Variants in PHLPP1 observed in about 807,000 individuals in gnomAD.
PHLPP1 encodes PH domain leucine-rich repeat-containing protein phosphatase 1.
In PHLPP1, 42 loss-of-function variants were observed where a neutral mutation model predicts 117.2. That is an observed-to-expected ratio of 0.36 (90% confidence interval 0.28 to 0.46). The LOEUF (loss-of-function observed/expected upper bound fraction) is 0.46. Among genes scored for constraint, PHLPP1 ranks in the 20% least tolerant of loss-of-function variants. PHLPP1 has a pLI of 1.00. For synonymous variants in PHLPP1, 1,042 were observed against 970.7 expected, an observed-to-expected ratio of 1.07 and a Z score of -1.37; for missense variants, 2,084 against 2,241.9, an observed-to-expected ratio of 0.93 and a Z score of 1.42.
intron 1 of PHLPP1, among the ~76,000 whole-genome samples, chr18:62,751,282 G>T (rs1021710236): frequency 1.6e-4 from 24 of 152,208 alleles, no homozygotes; most frequent in African/African-American, 5.8e-4. Flanking sequence ...GAAGGGGGTA[G>T]TCTTTCCCTG....
chr18:62,881,799 G>A (rs1483798172), intron 4 of PHLPP1, among the ~76,000 whole-genome samples: 2 of 152,224 alleles, frequency 1.3e-5, no homozygotes, highest in East Asian at 1.9e-4. Flanking sequence ...GACAGGAAAA[G>A]CACTGTACCA....
intron 3 of PHLPP1, among the ~76,000 whole-genome samples, chr18:62,854,877 A>G (rs889652851): frequency 6.6e-6 from 1 of 151,902 alleles, no homozygotes; most frequent in African/African-American, 2.4e-5. Context: ...TTGTATTTTT[A>G]GTAGAGAAGG....
At chr18:62,849,734 G>A (rs889443657) in intron 3 of PHLPP1, among the ~76,000 whole-genome samples, 13 of 134,220 alleles carry the variant, frequency 9.7e-5, no homozygotes, top group Non-Finnish European at 1.7e-4. Context: ...GCTGAGTGGG[G>A]AAGATCACTT....
rs565539702 is a variant in PHLPP1 at position 62,734,072 on chromosome 18, C to T, written c.1576+16813C>T. The stretch of plus-strand genomic sequence containing the variant: ...AAATGTGCATGTGCTGGAGGTTGCA[C>T]TAAAGCCTGACAGTAGCCTAGAGTA... On this transcript the variant is annotated intron_variant, in intron 1 of 16. Transcript: ENST00000262719. Among the ~76,000 whole-genome samples the T allele has an allele frequency of 3.3e-5, 5 of 152,262 alleles. No homozygotes were observed. The South Asian group carries it at 6.2e-4, about 19-fold the overall frequency.
chr18:62,930,372 A>G (rs527272238), intron 10 of PHLPP1, among the ~76,000 whole-genome samples: 16 of 152,270 alleles, frequency 1.1e-4, no homozygotes, highest in African/African-American at 3.9e-4. Flanking sequence ...GACTCAAAGT[A>G]AAGGGAAGGA....
intron 12 of PHLPP1, among the ~76,000 whole-genome samples, chr18:62,954,974 G>T (rs1016177942): frequency 1.3e-5 from 2 of 152,168 alleles, no homozygotes; most frequent in African/African-American, 4.8e-5. Context: ...TATCCGGGGA[G>T]AAACAGCAGC....
chr18:62,811,465 A>G (rs1055749954), intron 1 of PHLPP1, among the ~76,000 whole-genome samples: 4 of 152,118 alleles, frequency 2.6e-5, no homozygotes, highest in South Asian at 4.1e-4. Flanking sequence ...GTAAAAAGGT[A>G]TGCAAATTTT....
chr18:62,923,809 G>A (rs1359143575), intron 10 of PHLPP1, among the ~76,000 whole-genome samples: 1 of 152,144 alleles, frequency 6.6e-6, no homozygotes, highest in Non-Finnish European at 1.5e-5. Context: ...AGTTGTTGAA[G>A]TAGGCCAACC....
chr18:62,938,998 T>A (rs111696666), intron 10 of PHLPP1, among the ~76,000 whole-genome samples: 8 of 42,382 alleles, frequency 1.9e-4, no homozygotes, highest in African/African-American at 4.4e-4. Flanking sequence ...TTCTTTCTTT[T>A]TTTTTTTTTG....
At chr18:62,748,060 G>A (rs541071160) in intron 1 of PHLPP1, among the ~76,000 whole-genome samples, 20 of 152,100 alleles carry the variant, frequency 1.3e-4, no homozygotes, top group Middle Eastern at 3.4e-3. Flanking sequence ...GGTCTAATGT[G>A]TTCCTTAGAT....
At chr18:62,959,170 G>T (rs942594453) in intron 13 of PHLPP1, among the ~76,000 whole-genome samples, 12 of 152,134 alleles carry the variant, frequency 7.9e-5, no homozygotes, top group Non-Finnish European at 1.8e-4. Context: ...TTAGTGGTTG[G>T]AGTTTTCTAT....
chr18:62,928,992 G>T (rs1054868571), intron 10 of PHLPP1, among the ~76,000 whole-genome samples: 2 of 152,164 alleles, frequency 1.3e-5, no homozygotes, highest in South Asian at 2.1e-4. Flanking sequence ...AGGGAGAAAT[G>T]ATGAGTGACT....
At chr18:62,766,076 A>AAAAAAAAATATATATATATATATATATAT in intron 1 of PHLPP1, among the ~76,000 whole-genome samples, 8 of 21,658 alleles carry the variant, frequency 3.7e-4, no homozygotes, top group African/African-American at 4.5e-4. Flanking sequence ...AAAAAAAAAA[A>AAAAAAAAATATATATATATATATATATAT]ATATATATAT....
intron 1 of PHLPP1, among the ~76,000 whole-genome samples, chr18:62,811,828 T>C (rs578240522): frequency 9.2e-5 from 14 of 152,222 alleles, no homozygotes; most frequent in Non-Finnish European, 1.9e-4. Flanking sequence ...AGATAGCTTC[T>C]TAAGGTCAGT....
Position 62,715,661 on chromosome 18 carries a change from G to T in PHLPP1, c.-23G>T. ...CCGCCCGCTGCCTCCGGAGCTGGGGGGGAAACGCGAAGCCCCACTGCAATG... is the reference window on the plus strand; with the variant it reads ...CCGCCCGCTGCCTCCGGAGCTGGGGTGGAAACGCGAAGCCCCACTGCAATG... On this transcript the variant is annotated 5_prime_UTR_variant, in exon 1 of 17. Transcript: ENST00000262719. 7.9e-7 allele frequency: 1 copy of T among 1,269,970 alleles called. No individual in the cohort carries two copies. The highest frequency in any genetic ancestry group is 9.9e-7 in the Non-Finnish European group (1 of 1,008,732). The allele number at this position is 1,269,970 out of a possible 1,614,324, so 78.7% of individuals were successfully genotyped here.
intron 1 of PHLPP1, among the ~76,000 whole-genome samples, chr18:62,747,941 T>C (rs745944876): frequency 9.2e-5 from 14 of 152,346 alleles, no homozygotes; most frequent in Admixed American, 5.2e-4. Context: ...TCAAAGTGCC[T>C]GGATGATATT....
intron 1 of PHLPP1, among the ~76,000 whole-genome samples, chr18:62,811,368 CAACTT>C (rs1914112504): frequency 6.6e-6 from 1 of 152,026 alleles, no homozygotes; most frequent in Non-Finnish European, 1.5e-5. Context: ...TATAAAATGA[CAACTT>C]AGAAAGGTGT....
intron 12 of PHLPP1, among the ~76,000 whole-genome samples, chr18:62,952,154 G>A (rs55642841): frequency 0.11 from 17,306 of 151,794 alleles, 1,271 homozygotes; most frequent in African/African-American, 0.21. Context: ...GGCTAGGCAC[G>A]GTGGCTCATG....
intron 4 of PHLPP1, among the ~76,000 whole-genome samples, chr18:62,885,616 C>T (rs190831280): frequency 1.3e-5 from 2 of 152,276 alleles, no homozygotes; most frequent in East Asian, 1.9e-4. Flanking sequence ...GCTGAGATAG[C>T]ACCACTGGAC....
Sources: gnomAD v4.1 joint callset for allele counts (sites outside exome capture counted in the v4.1 genomes callset) on GRCh38, gnomAD v4.1.1 for gene constraint, MANE v1.5 for transcripts, NCBI Gene and HGNC (gene_info 2026-07-23, HGNC 2026-07-21) for gene names.